SLC25A46: variants seen among roughly 807,000 people sequenced by gnomAD.
SLC25A46 encodes mitochondrial outer membrane protein SLC25A46.
SLC25A46 carries 39 observed loss-of-function variants against 44.6 expected under a neutral mutation model. That is an observed-to-expected ratio of 0.87 (90% CI 0.68 to 1.14). The LOEUF is 1.14. Among genes scored for constraint, SLC25A46 ranks in the 50% most tolerant of loss-of-function variants. SLC25A46 has a pLI of 0.00. For missense variants in SLC25A46, 547 were observed against 522.7 expected (o/e 1.05, Z -0.45); for synonymous variants, 202 against 185.8 (o/e 1.09, Z -0.71).
chr5:110,741,434 C>A lies in SLC25A46; in HGVS notation c.284-613C>A, dbSNP rs980543257. 5.3e-5 allele frequency among the ~76,000 whole-genome samples: 8 copies of A among 152,208 alleles called. No individual in the cohort carries two copies. The South Asian group carries it at 1.7e-3, about 32-fold the overall frequency. ...GCTGTATTTACCCATTTTGGTTATC[C>A]CTAAGTACCCTTTCAAGTTAATAAT... On this transcript the variant is annotated intron_variant, in intron 1 of 7. Transcript: ENST00000355943.
chr5:110,761,869 G>A lies in SLC25A46; in HGVS notation c.*87G>A. The A allele has an allele frequency of 9.1e-7, 1 of 1,097,286 alleles. No homozygotes were observed. Among genetic ancestry groups the A allele is most frequent in the Non-Finnish European group, 1.3e-6 (1 of 786,654 alleles). 68.0% of individuals were successfully genotyped at this position (1,097,286 alleles called of 1,614,324 possible). A position where few individuals can be genotyped will look rare whatever the true frequency, so the allele number is the denominator to read the frequency against. ...ATGAGGGATACAAGTGAAATACTGGGGAAGAAAATGGATTGGAAAGTAAAA... is the reference window on the plus strand; with the variant it reads ...ATGAGGGATACAAGTGAAATACTGGAGAAGAAAATGGATTGGAAAGTAAAA... On this transcript the variant is annotated 3_prime_UTR_variant, in exon 8 of 8. Transcript: ENST00000355943. The surrounding 1 kb of genome is among the most constrained non-coding windows in gnomAD (Gnocchi z 5.3).
chr5:110,756,685 T>A lies in SLC25A46; in HGVS notation c.621-17T>A. On this transcript the variant is annotated splice_polypyrimidine_tract_variant and intron_variant, in intron 6 of 7. Coordinates refer to ENST00000355943, the MANE Select transcript of SLC25A46 (RefSeq NM_138773.4). ...TCTTGTTTCAGTATACTGATAAATT[T>A]GTTTTAATTTCTATAGCCTAACTTA... The A allele has an allele frequency of 6.4e-7, 1 of 1,553,958 alleles. No homozygotes were observed. The highest frequency in any genetic ancestry group is 8.7e-7 in the Non-Finnish European group (1 of 1,153,812).
rs932650839 is a variant in SLC25A46 at position 110,762,624 on chromosome 5, T to C, written c.*842T>C. The C allele has an allele frequency of 6.6e-5, 10 of 151,918 alleles. No individual in the cohort carries two copies. The highest frequency in any genetic ancestry group is 1.9e-4 in the African/African-American group (8 of 41,422). 9.4% of individuals were successfully genotyped at this position (151,918 alleles called of 1,614,324 possible). A position where few individuals can be genotyped will look rare whatever the true frequency, so the allele number is the denominator to read the frequency against. ...TTTGCTTTGCTAGTTGTGTGAATCA[T>C]TGGGCTGTTTTTAGAGCCACTGTTA... On this transcript the variant is annotated 3_prime_UTR_variant, in exon 8 of 8. Coordinates refer to ENST00000355943, the MANE Select transcript of SLC25A46 (RefSeq NM_138773.4).
At position 110,746,055 on chromosome 5, in the gene SLC25A46, A is replaced by G. The variant is rs1799809621; in HGVS notation, c.385-214A>G. ...GTCTACAGTACTGTGTGTATTATGCATTGGTCTTCAGATTGTATTTATATA... is the reference window on the plus strand; with the variant it reads ...GTCTACAGTACTGTGTGTATTATGCGTTGGTCTTCAGATTGTATTTATATA... On this transcript the variant is annotated intron_variant, in intron 3 of 7. Coordinates refer to ENST00000355943, the MANE Select transcript of SLC25A46 (RefSeq NM_138773.4). 5 of 483,312 alleles carry G rather than the reference A, an allele frequency of 1.0e-5. No individual in the cohort carries two copies. The South Asian group carries it at 1.2e-4, about 11-fold the overall frequency. The allele number at this position is 483,312 out of a possible 1,614,324, so 29.9% of individuals were successfully genotyped here. A position where few individuals can be genotyped will look rare whatever the true frequency, so the allele number is the denominator to read the frequency against.
At chr5:110,760,472 C>T (rs1215146792) in intron 7 of SLC25A46, among the ~76,000 whole-genome samples, 2 of 152,136 alleles carry the variant, frequency 1.3e-5, no homozygotes, top group Non-Finnish European at 2.9e-5. Flanking sequence ...GACTAGAAGC[C>T]AAAGTCTACA....
intron 1 of SLC25A46, among the ~76,000 whole-genome samples, chr5:110,740,290 T>A (rs192898116): frequency 6.6e-6 from 1 of 152,318 alleles, no homozygotes; most frequent in African/African-American, 2.4e-5. Context: ...GAAATCAGCT[T>A]TATTCTTATT....
chr5:110,748,530 T>C (rs537391477), intron 5 of SLC25A46, among the ~76,000 whole-genome samples: 1 of 152,120 alleles, frequency 6.6e-6, no homozygotes, highest in African/African-American at 2.4e-5. Flanking sequence ...CTGAAGTAAC[T>C]AAAAGAAAAA....
At chr5:110,758,984 C>T (rs763704784) in intron 7 of SLC25A46, among the ~76,000 whole-genome samples, 1 of 152,110 alleles carries the variant, frequency 6.6e-6, no homozygotes, top group Non-Finnish European at 1.5e-5. Flanking sequence ...AATTACATCA[C>T]TTTACCTTTC....
intron 5 of SLC25A46, among the ~76,000 whole-genome samples, chr5:110,752,029 C>T (rs1032514636): frequency 2.0e-5 from 3 of 152,122 alleles, no homozygotes; most frequent in African/African-American, 7.2e-5. Context: ...GGTCACAAAA[C>T]ATTAACAGCA....
In SLC25A46 at chr5:110,762,087, A is replaced by AAAC. The variant is rs967699246; in HGVS notation, c.*306_*308dup. On this transcript the variant is annotated 3_prime_UTR_variant, in exon 8 of 8. Transcript: ENST00000355943. ...AAATTTTATTATAAAATCTAAAACA[A>AAAC]AACTTTATAGAGTTGAATCTATTCC... 16 of 251,952 alleles carry AAAC rather than the reference A, an allele frequency of 6.4e-5. No homozygotes were observed. The highest frequency in any genetic ancestry group is 1.0e-4 in the Admixed American group (2 of 19,766). 15.6% of individuals were successfully genotyped at this position (251,952 alleles called of 1,614,324 possible).
Position 110,761,433 on chromosome 5 carries a change from C to A in SLC25A46, c.908C>A (p.Thr303Asn), listed in dbSNP as rs754372484. The A allele has an allele frequency of 1.2e-5, 20 of 1,613,632 alleles. No individual in the cohort carries two copies. Among genetic ancestry groups the A allele is most frequent in the Admixed American group, 8.3e-5 (5 of 59,952 alleles). Residue 303 changes from threonine (T) to asparagine (N), a missense_variant, in exon 8 of 8, where the codon ACT (threonine) becomes AAT (asparagine). Physicochemically the swap from Thr to Asn is moderately conservative, Grantham distance 65. Coordinates refer to ENST00000355943, the MANE Select transcript of SLC25A46 (RefSeq NM_138773.4). This position sits in a 1 kb window ranked among gnomAD's most constrained non-coding sequence, Gnocchi z 5.3. ...TACAATAGCCACCTAGCTGAGAGCA[C>A]TAGCCCTGTGCAGAGTATGTTGGAT... ...KTYNSHLAES[T>N]SPVQSMLDAY...
chr5:110,740,956 C>G (rs1189450010), intron 1 of SLC25A46, among the ~76,000 whole-genome samples: 1 of 151,888 alleles, frequency 6.6e-6, no homozygotes, highest in Non-Finnish European at 1.5e-5. Flanking sequence ...CGTCTCAAAA[C>G]AAACAAAAAA....
chr5:110,762,159 A>ATGT lies in SLC25A46; in HGVS notation c.*380_*382dup. On this transcript the variant is annotated 3_prime_UTR_variant, in exon 8 of 8. Transcript: ENST00000355943. ...AACGTTTATTTTACCTCCTAGATTG[A>ATGT]TGTTGGTATAGTATCCTTAATACAG... 4.9e-6 allele frequency: 1 copy of ATGT among 203,102 alleles called. No homozygotes were observed. Among genetic ancestry groups the ATGT allele is most frequent in the South Asian group, 8.4e-5 (1 of 11,962 alleles). 12.6% of individuals were successfully genotyped at this position (203,102 alleles called of 1,614,324 possible). A position where few individuals can be genotyped will look rare whatever the true frequency, so the allele number is the denominator to read the frequency against.
Position 110,755,400 on chromosome 5 carries a change from G to T in SLC25A46, c.564-65G>T, listed in dbSNP as rs1216389063. The T allele has an allele frequency of 1.1e-5, 11 of 970,430 alleles. No individual in the cohort carries two copies. In the East Asian group the frequency reaches 2.5e-4, roughly 22 times the overall value. The allele number at this position is 970,430 out of a possible 1,614,324, so 60.1% of individuals were successfully genotyped here. On this transcript the variant is annotated intron_variant, in intron 5 of 7. Transcript: ENST00000355943. The stretch of plus-strand genomic sequence containing the variant: ...AAGTTGATTACTGTTTTGAAAATTG[G>T]GCTAATTCCAGATGTTTTAAATAAC...
chr5:110,739,359 C>A lies in SLC25A46; in HGVS notation c.240C>A (p.Pro80=). The change falls in exon 1 of 8, where the codon CCC becomes CCA. Residue 80 remains proline, a synonymous_variant. Transcript: ENST00000355943. ...CGTACGAAGGCCCCACGGAGGAACC[C>A]TTTTCCAGTGGCGGCGGCGGCAGTG... ...STPYEGPTEE[P]FSSGGGGSVQ... 1.3e-6 allele frequency: 2 copies of A among 1,560,986 alleles called. No individual in the cohort carries two copies. Among genetic ancestry groups the A allele is most frequent in the East Asian group, 4.7e-5 (2 of 42,372 alleles).
chr5:110,740,785 A>T (rs1215235805), intron 1 of SLC25A46, among the ~76,000 whole-genome samples: 1 of 152,002 alleles, frequency 6.6e-6, no homozygotes, highest in Non-Finnish European at 1.5e-5. Context: ...CCCCGTCTCC[A>T]CTAAAAAATA....
At chr5:110,738,310 G>A (rs1799428101), upstream of SLC25A46, 3 of 1,201,072 alleles carry the variant, frequency 2.5e-6, no homozygotes, top group Middle Eastern at 3.0e-4. Flanking sequence ...AATTTTGAAC[G>A]ATATAACTGG....
In SLC25A46 at chr5:110,763,316, T is replaced by A. The variant is rs1036971984; in HGVS notation, c.*1534T>A. On this transcript the variant is annotated 3_prime_UTR_variant, in exon 8 of 8. Coordinates refer to ENST00000355943, the MANE Select transcript of SLC25A46 (RefSeq NM_138773.4). ...AGAAATGGTTACTTTTTGCAAATAG[T>A]AGTGTTGGAACAAAAAAGTGATATC... 10 of 151,804 alleles carry A rather than the reference T, an allele frequency of 6.6e-5. No homozygotes were observed. Among genetic ancestry groups the A allele is most frequent in the Admixed American group, 1.3e-4 (2 of 15,190 alleles). 9.4% of individuals were successfully genotyped at this position (151,804 alleles called of 1,614,324 possible).
chr5:110,756,952 A>G, intron 7 of SLC25A46, 193 bp downstream of exon 7: 2 of 395,268 alleles, frequency 5.1e-6, no homozygotes, highest in Non-Finnish European at 8.9e-6. Flanking sequence ...TCACACTTCT[A>G]GTTTTAATTA....
Sources: gnomAD v4.1 joint callset for allele counts (sites outside exome capture counted in the v4.1 genomes callset) on GRCh38, gnomAD v4.1.1 for gene constraint, Gnocchi (gnomAD v3.1) non-coding constraint, MANE v1.5 for transcripts, NCBI Gene and HGNC (gene_info 2026-07-23, HGNC 2026-07-21) for gene names.